SHPRH: variants seen among roughly 807,000 people sequenced by gnomAD.
SHPRH encodes SNF2 histone linker PHD RING helicase.
Under a neutral mutation model 202.5 loss-of-function variants are expected in SHPRH, and 106 were observed. The ratio of observed to expected loss-of-function variants is 0.52; its 90% confidence interval spans 0.45 to 0.62. The LOEUF (loss-of-function observed/expected upper bound fraction) is 0.62. SHPRH is among the 20% of genes least tolerant of loss of function. The pLI is 0.00. For missense variants in SHPRH, 1,710 were observed against 2,020.0 expected (o/e 0.85, Z 2.94); for synonymous variants, 729 against 686.0 (o/e 1.06, Z -0.98).
chr6:145,898,074 G>C (rs2128720857), intron 25 of SHPRH, among the ~76,000 whole-genome samples: 1 of 152,232 alleles, frequency 6.6e-6, no homozygotes, highest in South Asian at 2.1e-4. Context: ...AAGTTAAACT[G>C]TTTGCAGATG....
chr6:145,951,537 G>T (rs1236608172), intron 3 of SHPRH, among the ~76,000 whole-genome samples: 1 of 151,910 alleles, frequency 6.6e-6, no homozygotes, highest in Non-Finnish European at 1.5e-5. Context: ...GCTTTAAAAT[G>T]AACAAATTGT....
intron 27 of SHPRH, 47 bp from the exon 28 acceptor site, chr6:145,893,440 A>G (rs1486393555): frequency 6.7e-7 from 1 of 1,489,922 alleles, no homozygotes; most frequent in Non-Finnish European, 9.0e-7. Flanking sequence ...CAGTTAAAAT[A>G]AGAGCAGTAT....
intron 2 of SHPRH, among the ~76,000 whole-genome samples, chr6:145,867,669 G>GAGAGAA (rs1554220347): frequency 8.6e-5 from 12 of 138,820 alleles, no homozygotes; most frequent in Admixed American, 1.4e-4. Context: ...GAGAGAGAGA[G>GAGAGAA]AGAGGTGAAG....
intron 2 of SHPRH, chr6:145,877,102 A>C (rs2128696262): frequency 6.6e-6 from 1 of 152,190 alleles, no homozygotes; most frequent in Non-Finnish European, 1.5e-5. Context: ...TCATGTGGTA[A>C]CTCCATTTAA....
At chr6:145,895,106 T>C (rs531188671) in intron 25 of SHPRH, 129 bp from the exon 26 acceptor site, 4 of 753,344 alleles carry the variant, frequency 5.3e-6, no homozygotes, top group Admixed American at 2.6e-5. Flanking sequence ...CAGGTGCATA[T>C]GTGTTTACTC....
downstream of SHPRH, chr6:145,884,270 G>C (rs1260123977): frequency 6.6e-6 from 1 of 152,160 alleles, no homozygotes; most frequent in East Asian, 1.9e-4. Context: ...GGCTTATTCA[G>C]CTCAGGTCAC....
intron 14 of SHPRH, among the ~76,000 whole-genome samples, chr6:145,928,300 C>A (rs1785082948): frequency 6.6e-6 from 1 of 151,812 alleles, no homozygotes; most frequent in Admixed American, 6.6e-5. Context: ...TAGAATCTAT[C>A]TTAACTGCTG....
intron 23 of SHPRH, among the ~76,000 whole-genome samples, chr6:145,916,753 CTT>C (rs1783990659): frequency 6.6e-6 from 1 of 151,774 alleles, no homozygotes; most frequent in South Asian, 2.1e-4. Context: ...ATTTAAAAAA[CTT>C]ATGTTCAGGA....
chr6:145,915,021 C>T (rs1396750699), intron 23 of SHPRH, among the ~76,000 whole-genome samples: 1 of 150,634 alleles, frequency 6.6e-6, no homozygotes, highest in African/African-American at 2.4e-5. Context: ...GTCCATTCCT[C>T]TGAAGGAATC....
chr6:145,941,496 TAAC>T, intron 10 of SHPRH, 124 bp downstream of exon 10: 4 of 1,412,838 alleles, frequency 2.8e-6, no homozygotes, highest in Admixed American at 2.3e-5. Flanking sequence ...TAGTGTTTAA[TAAC>T]AAACTTTTGA....
intron 2 of SHPRH, among the ~76,000 whole-genome samples, chr6:145,875,959 A>T (rs1780282268): frequency 6.6e-6 from 1 of 152,216 alleles, no homozygotes; most frequent in African/African-American, 2.4e-5. Flanking sequence ...GATATTTTTT[A>T]AAATAAGCTT....
chr6:145,948,406 T>C, intron 4 of SHPRH, 56 bp from the exon 5 acceptor site: 1 of 1,365,104 alleles, frequency 7.3e-7, no homozygotes, highest in East Asian at 2.3e-5. Flanking sequence ...AGTCAGATAA[T>C]CACATTAAAA....
Position 145,926,436 on chromosome 6 carries a change from GTAC to G in SHPRH, c.3202-143_3202-141del, listed in dbSNP as rs1283173895. 11 of 749,694 alleles carry G rather than the reference GTAC, an allele frequency of 1.5e-5. 1 individual carries two copies. The South Asian group carries it at 1.7e-4, about 12-fold the overall frequency. The allele number at this position is 749,694 out of a possible 1,614,324, so 46.4% of individuals were successfully genotyped here. A position where few individuals can be genotyped will look rare whatever the true frequency, so the allele number is the denominator to read the frequency against. ...ATACTTTTCCTATAAAAAAATCTGA[GTAC>G]TACTACTTTGTTTTCTTTACTCAAG... On this transcript the variant is annotated intron_variant, in intron 15 of 29. Transcript: ENST00000275233.
At chr6:145,877,709 CCT>C (rs1217890964) in intron 2 of SHPRH, 2 of 152,170 alleles carry the variant, frequency 1.3e-5, no homozygotes, top group African/African-American at 2.4e-5. Context: ...TACAACCTAC[CCT>C]CTCTCTGAAG....
rs577085913 is a variant in SHPRH at position 145,886,119 on chromosome 6, A to C, written c.*572T>G. On this transcript the variant is annotated 3_prime_UTR_variant, in exon 30 of 30. Coordinates refer to ENST00000275233, the MANE Select transcript of SHPRH (RefSeq NM_001042683.3). ...TCAGTAGCAAGATGCAGAAGAAACA[A>C]ATAACTGTCTAACATTAACTTATTG... 5.7e-4 allele frequency: 111 copies of C among 195,910 alleles called. No homozygotes were observed. In the South Asian group the frequency reaches 5.8e-3, roughly 10 times the overall value. 12.1% of individuals were successfully genotyped at this position (195,910 alleles called of 1,614,324 possible).
At chr6:145,933,740 C>T (rs1785723455) in intron 13 of SHPRH, among the ~76,000 whole-genome samples, 1 of 152,156 alleles carries the variant, frequency 6.6e-6, no homozygotes, top group African/African-American at 2.4e-5. Context: ...TTGTCTATAA[C>T]CTGCTTAAAA....
At chr6:145,918,769 T>C (rs1299032332) in intron 22 of SHPRH, 2 of 152,430 alleles carry the variant, frequency 1.3e-5, no homozygotes, top group Non-Finnish European at 2.9e-5. Flanking sequence ...AGTTACAGTC[T>C]CCAAGCTGTA....
chr6:145,913,463 T>A lies in SHPRH; in HGVS notation c.4326+15A>T, dbSNP rs1159597240. On this transcript the variant is annotated intron_variant, in intron 24 of 29. Coordinates refer to ENST00000275233, the MANE Select transcript of SHPRH (RefSeq NM_001042683.3). ...GGTATTTTATAAATGCATGTGATGT[T>A]TATCATAATTTTACCTGTTTTCCTA... is the stretch of plus-strand genomic sequence containing the variant. 2.5e-6 allele frequency: 4 copies of A among 1,598,764 alleles called. No individual in the cohort carries two copies. In the South Asian group the frequency reaches 4.5e-5, roughly 18 times the overall value.
In SHPRH at chr6:145,910,651, G is replaced by A; in HGVS notation, c.4327-15C>T. The A allele has an allele frequency of 6.3e-7, 1 of 1,590,882 alleles. No individual in the cohort carries two copies. The highest frequency in any genetic ancestry group is 8.6e-7 in the Non-Finnish European group (1 of 1,165,730). On this transcript the variant is annotated splice_polypyrimidine_tract_variant and intron_variant, in intron 24 of 29. Transcript: ENST00000275233. ...AGTACCGCCCACTAAAAAGAAAACA[G>A]AACAAGCCTTAGTGCTATCAAAGAT...
Sources: gnomAD v4.1 joint callset for allele counts (sites outside exome capture counted in the v4.1 genomes callset) on GRCh38, gnomAD v4.1.1 for gene constraint, MANE v1.5 for transcripts, NCBI Gene and HGNC (gene_info 2026-07-23, HGNC 2026-07-21) for gene names.